PPFIBP1: variants seen among roughly 807,000 people sequenced by gnomAD.
PPFIBP1 encodes the protein liprin-beta-1.
A neutral mutation model predicts 137.8 loss-of-function variants in PPFIBP1; 112 were observed. The ratio of observed to expected loss-of-function variants is 0.81; its 90% CI spans 0.70 to 0.95. The LOEUF (loss-of-function observed/expected upper bound fraction) is 0.95, where lower values mean the gene tolerates loss of function less well. PPFIBP1 is among the 40% of genes least tolerant of loss of function. The probability of loss-of-function intolerance (pLI) is 0.00; values close to 1 mark genes in which losing one functional copy is unlikely to be tolerated. For missense variants in PPFIBP1, 1,083 were observed against 1,196.6 expected (o/e 0.91, Z 1.40); for synonymous variants, 378 against 417.3 (o/e 0.91, Z 1.15).
At chr12:27,632,798 A>C (rs917994727) in intron 2 of PPFIBP1, among the ~76,000 whole-genome samples, 1 of 152,170 alleles carries the variant, frequency 6.6e-6, no homozygotes, top group African/African-American at 2.4e-5. Flanking sequence ...CACTATAGGC[A>C]CTCAATATGT....
chr12:27,602,097 G>C (rs568334728), intron 2 of PPFIBP1, among the ~76,000 whole-genome samples: 1 of 152,286 alleles, frequency 6.6e-6, no homozygotes, highest in Admixed American at 6.5e-5. Flanking sequence ...TCTGTCCTTT[G>C]GTTGGATCTG....
intron 2 of PPFIBP1, among the ~76,000 whole-genome samples, chr12:27,602,206 C>T (rs868333041): frequency 1.3e-5 from 2 of 152,176 alleles, no homozygotes; most frequent in Admixed American, 6.5e-5. Context: ...GACTAAATTT[C>T]CTCCAAAGCA....
intron 4 of PPFIBP1, chr12:27,636,056 G>T (rs994220742): frequency 1.3e-5 from 2 of 152,180 alleles, no homozygotes; most frequent in African/African-American, 4.8e-5. Context: ...TTTATGATCT[G>T]TGGTAGACAT....
chr12:27,684,234 G>A (rs1008566161), intron 24 of PPFIBP1, among the ~76,000 whole-genome samples: 1 of 152,052 alleles, frequency 6.6e-6, no homozygotes, highest in Non-Finnish European at 1.5e-5. Flanking sequence ...TCAGCCACCC[G>A]AGTAGCTGGG....
At chr12:27,574,291 C>T (rs1489662976) in intron 1 of PPFIBP1, among the ~76,000 whole-genome samples, 2 of 152,080 alleles carry the variant, frequency 1.3e-5, no homozygotes, top group Admixed American at 6.6e-5. Flanking sequence ...TCTGTTGATG[C>T]TTACTCAACG....
intron 2 of PPFIBP1, among the ~76,000 whole-genome samples, chr12:27,598,085 A>G (rs2053531013): frequency 6.6e-6 from 1 of 152,188 alleles, no homozygotes; most frequent in South Asian, 2.1e-4. Context: ...GATTACAGGC[A>G]TGAGCCACTA....
Position 27,642,405 on chromosome 12 carries a change from C to G in PPFIBP1, c.271-3657C>G, listed in dbSNP as rs111257602. Reference sequence around the variant, plus strand: ...CTCTAATATGCTGTGGAAGTCAGATCGACTCAACAAGAGTTTATACTTAAA... The same window carrying G: ...CTCTAATATGCTGTGGAAGTCAGATGGACTCAACAAGAGTTTATACTTAAA... On this transcript the variant is annotated intron_variant, in intron 4 of 29. Transcript: ENST00000228425. Among the ~76,000 whole-genome samples, 6 of 152,260 alleles carry G rather than the reference C, an allele frequency of 3.9e-5. 2 individuals carry two copies. The highest frequency in any genetic ancestry group is 1.2e-4 in the African/African-American group (5 of 41,550).
At chr12:27,575,716 T>G (rs1206049895) in intron 1 of PPFIBP1, among the ~76,000 whole-genome samples, 2 of 152,250 alleles carry the variant, frequency 1.3e-5, no homozygotes, top group Admixed American at 1.3e-4. Context: ...ACTAAGGGTT[T>G]TTCTTCTAGA....
At chr12:27,546,196 T>G (rs1946227866) in intron 1 of PPFIBP1, among the ~76,000 whole-genome samples, 2 of 152,166 alleles carry the variant, frequency 1.3e-5, no homozygotes, top group African/African-American at 4.8e-5. Flanking sequence ...AATTGGCAGA[T>G]TGTTGTGGGA....
intron 2 of PPFIBP1, among the ~76,000 whole-genome samples, chr12:27,611,801 TC>T (rs770394228): frequency 0.14 from 20,314 of 150,456 alleles, 1,429 homozygotes; most frequent in African/African-American, 0.15. Context: ...TCTCTCTCTC[TC>T]TCTCTCTCTC....
In PPFIBP1 at chr12:27,682,540, A is replaced by G. The variant is rs753030187; in HGVS notation, c.2158+42A>G. On this transcript the variant is annotated intron_variant, in intron 23 of 29. Transcript: ENST00000228425. The stretch of plus-strand genomic sequence containing the variant: ...CTAACAAAATGAAATAATTATATAC[A>G]TAGTTGCTTTTTCTTTTTAATCACA... The G allele has an allele frequency of 1.1e-5, 17 of 1,603,104 alleles. No homozygotes were observed. In the East Asian group the frequency reaches 3.1e-4, roughly 29 times the overall value.
At chr12:27,591,436 T>C (rs1246750368) in intron 2 of PPFIBP1, among the ~76,000 whole-genome samples, 2 of 152,184 alleles carry the variant, frequency 1.3e-5, no homozygotes, top group African/African-American at 4.8e-5. Flanking sequence ...CAAAGGAGTT[T>C]CAGAGGGCAG....
chr12:27,679,759 T>G lies in PPFIBP1; in HGVS notation c.1766+120T>G, dbSNP rs2060771111. 4 of 1,401,892 alleles carry G rather than the reference T, an allele frequency of 2.9e-6. No individual in the cohort carries two copies. In the Admixed American group the frequency reaches 8.7e-5, roughly 31 times the overall value. 86.8% of individuals were successfully genotyped at this position (1,401,892 alleles called of 1,614,324 possible). A position where few individuals can be genotyped will look rare whatever the true frequency, so the allele number is the denominator to read the frequency against. On this transcript the variant is annotated intron_variant, in intron 20 of 29. Transcript: ENST00000228425. ...TCCTCTTATGGAAGGAAGTTTGGAT[T>G]GTGATGTGGGATTTATTAACTCATT...
chr12:27,593,679 T>C, intron 2 of PPFIBP1: 1 of 563,556 alleles, frequency 1.8e-6, no homozygotes, highest in Non-Finnish European at 3.2e-6. Flanking sequence ...TGTCCTCTCT[T>C]TTGGGAACTT....
chr12:27,627,566 A>G (rs566229712), intron 2 of PPFIBP1, among the ~76,000 whole-genome samples: 1 of 152,290 alleles, frequency 6.6e-6, no homozygotes, highest in African/African-American at 2.4e-5. Flanking sequence ...TGTTATTCTC[A>G]CAAAAATTTA....
At chr12:27,552,748 G>C (rs1946902531) in intron 1 of PPFIBP1, 1 of 152,318 alleles carries the variant, frequency 6.6e-6, no homozygotes, top group Middle Eastern at 3.4e-3. Context: ...TTGCTACAGG[G>C]CTTTGCAGTG....
At chr12:27,577,382 G>T (rs1372482738) in intron 1 of PPFIBP1, among the ~76,000 whole-genome samples, 2 of 152,098 alleles carry the variant, frequency 1.3e-5, no homozygotes, top group Non-Finnish European at 2.9e-5. Flanking sequence ...TCATAATTTT[G>T]TCTAGAACTG....
rs117998656 is a variant in PPFIBP1 at position 27,608,919 on chromosome 12, C to A, written c.-35-24443C>A. ...TGTTTTGTTTTGTCTGAAGATTTAT[C>A]CTTTCCTGCTGCCTTTTTGGGCTTT... On this transcript the variant is annotated intron_variant, in intron 2 of 29. Transcript: ENST00000228425. The A allele has an allele frequency of 1.2e-3, 221 of 190,452 alleles. 1 individual carries two copies. Among genetic ancestry groups the A allele is most frequent in the Non-Finnish European group, 1.7e-3 (151 of 88,632 alleles). The allele number at this position is 190,452 out of a possible 1,614,324, so 11.8% of individuals were successfully genotyped here.
rs2061567489 is a variant in PPFIBP1, at chr12:27,691,854, G to A, written c.2791G>A (p.Ala931Thr). 1.2e-6 allele frequency: 2 copies of A among 1,614,050 alleles called. No individual in the cohort carries two copies. The highest frequency in any genetic ancestry group is 1.3e-5 in the African/African-American group (1 of 75,058). ...GGAATTGGGACAGGCATCAGGAAGT[G>A]CATCTAAGAAAGGATTTAAACCTGG... ...PMELGQASGS[A>T]SKKGFKPGLD... Residue 931 changes from alanine (A) to threonine (T), a missense_variant, in exon 28 of 30, where the codon GCA (alanine) becomes ACA (threonine). Coordinates refer to ENST00000228425, the MANE Select transcript of PPFIBP1 (RefSeq NM_003622.4).
Sources: gnomAD v4.1 joint callset for allele counts (sites outside exome capture counted in the v4.1 genomes callset) on GRCh38, gnomAD v4.1.1 for gene constraint, MANE v1.5 for transcripts, NCBI Gene and HGNC (gene_info 2026-07-23, HGNC 2026-07-21) for gene names.